The following SPAG16 variants were observed in gnomAD, a reference collection of about 807,000 sequenced individuals.
The protein encoded by SPAG16 is sperm-associated antigen 16 protein.
SPAG16 carries 86 observed loss-of-function variants against 80.4 expected under a neutral mutation model. The observed-to-expected ratio is 1.07, with a 90% CI of 0.90 to 1.28. The LOEUF is 1.28. Among genes scored for constraint, SPAG16 ranks in the 50% most tolerant of loss-of-function variants. The probability of loss-of-function intolerance (pLI) is 0.00; values close to 1 mark genes in which losing one functional copy is unlikely to be tolerated. For missense variants in SPAG16, 870 were observed against 765.3 expected (o/e 1.14, Z -1.61); for synonymous variants, 294 against 265.9 (o/e 1.11, Z -1.03).
chr2:214,032,867 T>C (rs2048485963), intron 13 of SPAG16, among the ~76,000 whole-genome samples: 1 of 152,180 alleles, frequency 6.6e-6, no homozygotes, highest in African/African-American at 2.4e-5. Context: ...TTCCCTCTTA[T>C]GGCATAATCT....
intron 15 of SPAG16, among the ~76,000 whole-genome samples, chr2:214,194,130 A>G (rs2057757535): frequency 6.6e-6 from 1 of 152,118 alleles, no homozygotes; most frequent in Admixed American, 6.6e-5. Context: ...AATGCATTAT[A>G]TGACCAGTAG....
chr2:213,843,719 C>T lies in SPAG16; in HGVS notation c.1071-18766C>T, dbSNP rs758303555. On this transcript the variant is annotated intron_variant, in intron 10 of 15. Transcript: ENST00000331683. ...TACAAAAATTAGCTAGGTGTGGTGG[C>T]GTGTGTCTGTAGTTCCAGCTACTTG... is the stretch of plus-strand genomic sequence containing the variant. Among the ~76,000 whole-genome samples the T allele has an allele frequency of 7.2e-4, 109 of 152,062 alleles. 1 individual carries two copies. Among genetic ancestry groups the T allele is most frequent in the African/African-American group, 1.9e-3 (78 of 41,472 alleles).
At chr2:214,034,002 T>A (rs1400924788) in intron 13 of SPAG16, among the ~76,000 whole-genome samples, 1 of 152,250 alleles carries the variant, frequency 6.6e-6, no homozygotes, top group Non-Finnish European at 1.5e-5. Flanking sequence ...TCTCTTTAGT[T>A]CCCTTTAATC....
intron 10 of SPAG16, among the ~76,000 whole-genome samples, chr2:213,591,098 A>G (rs555061901): frequency 2.3e-4 from 35 of 152,244 alleles, no homozygotes; most frequent in Admixed American, 1.1e-3. Context: ...TTGGGTACAC[A>G]TGAACATAAT....
intron 8 of SPAG16, among the ~76,000 whole-genome samples, chr2:213,374,341 T>C (rs1022482200): frequency 3.9e-5 from 6 of 152,170 alleles, no homozygotes; most frequent in Non-Finnish European, 7.4e-5. Flanking sequence ...CGTTTAGTTG[T>C]TTATTTGTGT....
chr2:213,577,391 T>C (rs988873182), intron 10 of SPAG16, among the ~76,000 whole-genome samples: 4 of 152,138 alleles, frequency 2.6e-5, no homozygotes, highest in African/African-American at 9.7e-5. Flanking sequence ...CATTCCCTTT[T>C]GGGATCTGTG....
chr2:213,879,541 G>T (rs536284929), intron 11 of SPAG16, among the ~76,000 whole-genome samples: 1 of 151,872 alleles, frequency 6.6e-6, no homozygotes, highest in Non-Finnish European at 1.5e-5. Flanking sequence ...TTATACATAG[G>T]GAGTACATGT....
intron 10 of SPAG16, among the ~76,000 whole-genome samples, chr2:213,833,547 TAA>T (rs2073889883): frequency 0.038 from 10 of 262 alleles, 2 homozygotes; most frequent in South Asian, 0.5. Context: ...ATAATATATA[TAA>T]TATATATAAT....
intron 10 of SPAG16, among the ~76,000 whole-genome samples, chr2:213,717,125 G>C (rs533421027): frequency 7.4e-4 from 112 of 150,674 alleles, no homozygotes; most frequent in Non-Finnish European, 1.4e-3. Context: ...CGCTCCCTAC[G>C]TAACTCAACT....
chr2:213,831,790 T>C (rs1411585210), intron 10 of SPAG16, among the ~76,000 whole-genome samples: 1 of 152,120 alleles, frequency 6.6e-6, no homozygotes, highest in African/African-American at 2.4e-5. Flanking sequence ...AACTTTACAA[T>C]ATTAATTAAT....
intron 1 of SPAG16, among the ~76,000 whole-genome samples, chr2:213,293,855 T>C (rs1428238046): frequency 6.6e-6 from 1 of 152,210 alleles, no homozygotes. Context: ...ACATATACAT[T>C]GTGAAATGAT....
intron 10 of SPAG16, among the ~76,000 whole-genome samples, chr2:213,691,292 A>G (rs2064935469): frequency 6.6e-6 from 1 of 152,166 alleles, no homozygotes; most frequent in African/African-American, 2.4e-5. Context: ...AGGTGTGACA[A>G]TCTAGATCTT....
intron 15 of SPAG16, among the ~76,000 whole-genome samples, chr2:214,174,392 C>A (rs550866628): frequency 6.6e-4 from 100 of 152,062 alleles, no homozygotes; most frequent in African/African-American, 2.3e-3. Context: ...TCTCAGGATA[C>A]AAAATCAATG....
chr2:213,446,201 C>G (rs1240764785), intron 9 of SPAG16, among the ~76,000 whole-genome samples: 1 of 152,182 alleles, frequency 6.6e-6, no homozygotes, highest in Non-Finnish European at 1.5e-5. Context: ...TATATTCTTA[C>G]CTTGAAATAA....
At chr2:213,712,468 A>C (rs2066042473) in intron 10 of SPAG16, among the ~76,000 whole-genome samples, 1 of 152,182 alleles carries the variant, frequency 6.6e-6, no homozygotes, top group South Asian at 2.1e-4. Flanking sequence ...ACTGCACTTC[A>C]AATTAGAGTG....
intron 15 of SPAG16, among the ~76,000 whole-genome samples, chr2:214,347,343 A>G (rs1036569913): frequency 2.7e-5 from 2 of 73,860 alleles, no homozygotes; most frequent in African/African-American, 6.3e-5. Context: ...AGAACAAAAT[A>G]TTAGGGTTTT....
chr2:213,893,694 A>G (rs564026728), intron 11 of SPAG16, among the ~76,000 whole-genome samples: 38 of 152,138 alleles, frequency 2.5e-4, no homozygotes, highest in African/African-American at 8.9e-4. Context: ...TATTATATCT[A>G]TAAGATATTT....
At chr2:213,387,429 C>CTTTTTTTTTTTTTTTTTTTTTTTT (rs1491308938) in intron 9 of SPAG16, among the ~76,000 whole-genome samples, 5 of 71,760 alleles carry the variant, frequency 7.0e-5, no homozygotes, top group Non-Finnish European at 7.2e-5. Context: ...GAAATGCATG[C>CTTTTTTTTTTTTTTTTTTTTTTTT]TCTTTTTTTT....
At chr2:213,692,378 T>C (rs2064977661) in intron 10 of SPAG16, among the ~76,000 whole-genome samples, 1 of 152,204 alleles carries the variant, frequency 6.6e-6, no homozygotes, top group Non-Finnish European at 1.5e-5. Context: ...CTGCTGGAGA[T>C]TGACTTGTGT....
Sources: gnomAD v4.1 joint callset for allele counts (sites outside exome capture counted in the v4.1 genomes callset) on GRCh38, gnomAD v4.1.1 for gene constraint, MANE v1.5 for transcripts, NCBI Gene and HGNC (gene_info 2026-07-23, HGNC 2026-07-21) for gene names.